KCTD18: variants seen among roughly 807,000 people sequenced by gnomAD.
The protein encoded by KCTD18 is BTB/POZ domain-containing protein KCTD18.
In KCTD18, 22 loss-of-function variants were observed where a neutral mutation model predicts 30.4. That is an observed-to-expected ratio of 0.72 (90% confidence interval 0.52 to 1.03). KCTD18 has a LOEUF of 1.03. Ranked by LOEUF, KCTD18 falls within the 50% of genes least tolerant of loss-of-function variation. KCTD18 has a pLI of 0.00. For missense variants in KCTD18, 529 were observed against 547.6 expected (o/e 0.97, Z 0.34); for synonymous variants, 186 against 209.0 (o/e 0.89, Z 0.95).
At chr2:200,490,817 T>C (rs2087904707) in intron 6 of KCTD18, among the ~76,000 whole-genome samples, 1 of 152,148 alleles carries the variant, frequency 6.6e-6, no homozygotes, top group African/African-American at 2.4e-5. Flanking sequence ...TTAATTTGAA[T>C]ACGAATTATG....
At position 200,509,127 on chromosome 2, in the gene KCTD18, A is replaced by G. The variant is rs142131844; in HGVS notation, c.-76+501T>C. Among the ~76,000 whole-genome samples the G allele has an allele frequency of 4.6e-5, 7 of 152,258 alleles. No individual in the cohort carries two copies. The East Asian group carries it at 1.4e-3, about 29-fold the overall frequency. On this transcript the variant is annotated intron_variant, in intron 1 of 6. Coordinates refer to ENST00000359878, the MANE Select transcript of KCTD18 (RefSeq NM_152387.4). ...AGCCATTGTAAGAGACACTTGACAC[A>G]CTTTACCTAATTCACACAAAAACTC...
intron 3 of KCTD18, among the ~76,000 whole-genome samples, chr2:200,500,788 G>T: frequency 6.6e-6 from 1 of 151,542 alleles, no homozygotes. Context: ...CTACTTTAAA[G>T]TTCATATGGA....
intron 2 of KCTD18, 101 bp from the exon 3 acceptor site, chr2:200,505,060 T>G: frequency 1.2e-6 from 1 of 854,664 alleles, no homozygotes; most frequent in Non-Finnish European, 1.8e-6. Context: ...TTATAAATGT[T>G]TCTTTCTCAC....
chr2:200,498,932 C>T lies in KCTD18; in HGVS notation c.525G>A (p.Lys175=). 2.5e-6 allele frequency: 4 copies of T among 1,613,968 alleles called. No homozygotes were observed. Among genetic ancestry groups the T allele is most frequent in the African/African-American group, 2.7e-5 (2 of 75,046 alleles). Residue 175 remains lysine (K), a synonymous_variant, in exon 4 of 7, where the codon AAG becomes AAA. Transcript: ENST00000359878. ...TKTDGTDAIE[K]QLGGRIHSKG... Reference sequence around the variant, plus strand: ...TGCTGTGAATTCTTCCTCCCAGCTGCTTTTCAATAGCGTCTGTTCCATCAG... The same window carrying T: ...TGCTGTGAATTCTTCCTCCCAGCTGTTTTTCAATAGCGTCTGTTCCATCAG...
intron 1 of KCTD18, among the ~76,000 whole-genome samples, chr2:200,508,461 G>C (rs1004824055): frequency 6.6e-6 from 1 of 152,102 alleles, no homozygotes; most frequent in Non-Finnish European, 1.5e-5. Context: ...ACACTGTGGT[G>C]TTTTCCCACC....
intron 4 of KCTD18, 104 bp from the exon 5 acceptor site, chr2:200,497,951 A>G: frequency 1.3e-6 from 1 of 788,074 alleles, no homozygotes; most frequent in Non-Finnish European, 2.1e-6. Flanking sequence ...AATTAAGGGA[A>G]AAAACATGTA....
At chr2:200,505,011 G>A in intron 2 of KCTD18, 52 bp from the exon 3 acceptor site, 1 of 1,442,100 alleles carries the variant, frequency 6.9e-7, no homozygotes. Flanking sequence ...CGATCAATAA[G>A]ATTTCAACAA....
chr2:200,497,193 C>T (rs1334154104), intron 5 of KCTD18: 2 of 152,718 alleles, frequency 1.3e-5, no homozygotes, highest in Non-Finnish European at 2.9e-5. Flanking sequence ...CCTTCTGAGA[C>T]TCAGTTTCCT....
At chr2:200,495,859 CTTGT>C (rs2087990377) in intron 5 of KCTD18, 1 of 151,580 alleles carries the variant, frequency 6.6e-6, no homozygotes, top group African/African-American at 2.4e-5. Flanking sequence ...TTTAATGTTT[CTTGT>C]TTTTTTGTTT....
At chr2:200,492,690 C>A (rs1305632395) in intron 6 of KCTD18, among the ~76,000 whole-genome samples, 1 of 152,188 alleles carries the variant, frequency 6.6e-6, no homozygotes, top group Non-Finnish European at 1.5e-5. Flanking sequence ...GTGAAAGACA[C>A]AGCTGTGGAG....
At chr2:200,495,025 C>T (rs964802489) in intron 5 of KCTD18, among the ~76,000 whole-genome samples, 7 of 132,376 alleles carry the variant, frequency 5.3e-5, no homozygotes, top group African/African-American at 1.6e-4. Context: ...TATGGATACA[C>T]CACAATTTGT....
chr2:200,508,638 T>G (rs887387406), intron 1 of KCTD18, among the ~76,000 whole-genome samples: 10 of 152,166 alleles, frequency 6.6e-5, no homozygotes, highest in African/African-American at 2.4e-4. Flanking sequence ...CCAGCTAGTC[T>G]CCAATAAAAT....
chr2:200,495,042 ACTTT>A (rs2087979981), intron 5 of KCTD18, among the ~76,000 whole-genome samples: 1 of 30,062 alleles, frequency 3.3e-5, no homozygotes, highest in African/African-American at 5.6e-5. Flanking sequence ...TTGTTTAAAA[ACTTT>A]CTTTTTTTTT....
intron 5 of KCTD18, 86 bp downstream of exon 5, chr2:200,497,667 A>G: frequency 1.1e-6 from 1 of 898,024 alleles, no homozygotes; most frequent in Non-Finnish European, 1.8e-6. Flanking sequence ...ATACTTTCTA[A>G]AAAAAGAAAT....
At chr2:200,502,372 A>T (rs1407380125) in intron 3 of KCTD18, among the ~76,000 whole-genome samples, 1 of 152,120 alleles carries the variant, frequency 6.6e-6, no homozygotes, top group African/African-American at 2.4e-5. Context: ...CCTTTAGAGT[A>T]ATTTCCCCAA....
chr2:200,492,080 A>G (rs192716600), intron 6 of KCTD18, among the ~76,000 whole-genome samples: 1 of 152,316 alleles, frequency 6.6e-6, no homozygotes, highest in East Asian at 1.9e-4. Flanking sequence ...AAAGATAACT[A>G]ACACAGAGGA....
rs976493218 is a variant in KCTD18, at chr2:200,509,755, G to T, written c.-203C>A. On this transcript the variant is annotated 5_prime_UTR_variant, in exon 1 of 7. Coordinates refer to ENST00000359878, the MANE Select transcript of KCTD18 (RefSeq NM_152387.4). The stretch of plus-strand genomic sequence containing the variant: ...CCCCACTTTGAAAAACATCGCTCAA[G>T]GGGCTCACACTCCTCTTCCGAAGCG... 2 of 152,254 alleles carry T rather than the reference G, an allele frequency of 1.3e-5. No homozygotes were observed. The highest frequency in any genetic ancestry group is 2.4e-5 in the African/African-American group (1 of 41,464). 9.4% of individuals were successfully genotyped at this position (152,254 alleles called of 1,614,324 possible).
chr2:200,496,380 T>C (rs995247584), intron 5 of KCTD18: 2 of 152,148 alleles, frequency 1.3e-5, no homozygotes, highest in Non-Finnish European at 2.9e-5. Context: ...TCCTGCCTCT[T>C]GAGGGGTATG....
At chr2:200,496,215 C>T (rs1203227817) in intron 5 of KCTD18, 1 of 152,710 alleles carries the variant, frequency 6.5e-6, no homozygotes, top group Non-Finnish European at 1.5e-5. Flanking sequence ...CGTGCCCAGC[C>T]CTCCTTCAGC....
Sources: allele counts gnomAD v4.1 joint callset (sites outside exome capture counted in the v4.1 genomes callset), GRCh38; gene constraint gnomAD v4.1.1; transcripts MANE v1.5; gene names NCBI Gene and HGNC (gene_info 2026-07-23, HGNC 2026-07-21).